NXPE2: variants seen among roughly 807,000 people sequenced by gnomAD.
The protein encoded by NXPE2 is neurexophilin and PC-esterase domain family member 2.
NXPE2 carries 34 observed loss-of-function variants against 34.4 expected under a neutral mutation model. The ratio of observed to expected loss-of-function variants is 0.99; its 90% CI spans 0.75 to 1.31. NXPE2 has a LOEUF of 1.31. Among genes scored for constraint, NXPE2 ranks in the 40% most tolerant of loss-of-function variants. The pLI is 0.00. For synonymous variants in NXPE2, 235 were observed against 231.3 expected (o/e 1.02, Z -0.15); for missense variants, 649 against 672.5 (o/e 0.97, Z 0.39).
the NXPE2 span, among the ~76,000 whole-genome samples, chr11:114,540,059 G>A: frequency 2.6e-5 from 4 of 152,224 alleles, no homozygotes; most frequent in African/African-American, 2.4e-5. Flanking sequence ...CCTCCAAAGC[G>A]ATTCTCCTGC....
the NXPE2 span, among the ~76,000 whole-genome samples, chr11:114,539,340 G>A: frequency 4.6e-5 from 7 of 151,938 alleles, no homozygotes; most frequent in African/African-American, 1.7e-4. Context: ...GCTAAATGAC[G>A]AGTTAATGGG....
chr11:114,808,911 T>C, the NXPE2 span, among the ~76,000 whole-genome samples: 2 of 152,110 alleles, frequency 1.3e-5, no homozygotes, highest in South Asian at 2.1e-4. Flanking sequence ...TTTAGACCAA[T>C]ATCCTTGATG....
At chr11:114,493,726 T>C in the NXPE2 span, among the ~76,000 whole-genome samples, 1 of 152,166 alleles carries the variant, frequency 6.6e-6, no homozygotes, top group Non-Finnish European at 1.5e-5. Context: ...GTCTTTCTAC[T>C]CATGATATAG....
At chr11:114,615,691 G>A in the NXPE2 span, among the ~76,000 whole-genome samples, 2 of 151,540 alleles carry the variant, frequency 1.3e-5, no homozygotes, top group Non-Finnish European at 2.9e-5. Context: ...TGCCTCTAGG[G>A]TAACCACTGT....
the NXPE2 span, among the ~76,000 whole-genome samples, chr11:114,609,126 G>A: frequency 2.0e-5 from 3 of 151,924 alleles, no homozygotes; most frequent in Non-Finnish European, 4.4e-5. Context: ...TTACCCGGTG[G>A]ATAATAAGTA....
the NXPE2 span, among the ~76,000 whole-genome samples, chr11:114,525,574 C>T: frequency 3.3e-5 from 5 of 152,106 alleles, no homozygotes; most frequent in Admixed American, 1.3e-4. Context: ...CCCTTCCCCC[C>T]TTACTATTCT....
chr11:114,710,618 C>T (rs765729165), downstream of NXPE2, among the ~76,000 whole-genome samples: 19 of 151,734 alleles, frequency 1.3e-4, no homozygotes, highest in African/African-American at 4.1e-4. Flanking sequence ...TCAGTAATAA[C>T]GACAACAATA....
At chr11:114,694,437 T>G (rs895174257) in intron 2 of NXPE2, among the ~76,000 whole-genome samples, 3 of 152,210 alleles carry the variant, frequency 2.0e-5, no homozygotes, top group African/African-American at 4.8e-5. Context: ...TTGGTATTCT[T>G]CCTGCTTGGT....
the NXPE2 span, among the ~76,000 whole-genome samples, chr11:114,779,517 G>A: frequency 6.6e-6 from 1 of 152,088 alleles, no homozygotes; most frequent in Non-Finnish European, 1.5e-5. Flanking sequence ...TCCCATCCCC[G>A]GGTGCCAGCT....
chr11:114,616,145 C>A, the NXPE2 span, among the ~76,000 whole-genome samples: 1 of 151,530 alleles, frequency 6.6e-6, no homozygotes, highest in Non-Finnish European at 1.5e-5. Flanking sequence ...ATAAGTATTG[C>A]CTCGTGGGTA....
chr11:114,809,756 C>G, the NXPE2 span, among the ~76,000 whole-genome samples: 1 of 112,332 alleles, frequency 8.9e-6, no homozygotes, highest in Non-Finnish European at 1.9e-5. Context: ...ATGAAAATGG[C>G]CATACTGCCC....
the NXPE2 span, chr11:114,582,245 C>A: frequency 3.9e-6 from 6 of 1,523,302 alleles, no homozygotes; most frequent in Non-Finnish European, 5.3e-6. Flanking sequence ...TAGGCCAAAT[C>A]ACAATATTTG....
chr11:114,550,704 T>C, the NXPE2 span, among the ~76,000 whole-genome samples: 1 of 152,054 alleles, frequency 6.6e-6, no homozygotes, highest in Non-Finnish European at 1.5e-5. Flanking sequence ...AAACATGTTA[T>C]AAGGGAAACA....
the NXPE2 span, among the ~76,000 whole-genome samples, chr11:114,556,896 CTT>C: frequency 2.8e-5 from 4 of 140,640 alleles, no homozygotes; most frequent in Admixed American, 7.1e-5. Flanking sequence ...CCCTTTTTGA[CTT>C]TTTTTTTTTT....
the NXPE2 span, among the ~76,000 whole-genome samples, chr11:114,536,824 T>C: frequency 2.6e-5 from 4 of 152,228 alleles, no homozygotes; most frequent in South Asian, 8.3e-4. Context: ...CAGGACCAGA[T>C]GGATTCACAG....
intron 2 of NXPE2, among the ~76,000 whole-genome samples, chr11:114,697,695 G>A (rs1951284935): frequency 6.6e-6 from 1 of 152,164 alleles, no homozygotes; most frequent in Non-Finnish European, 1.5e-5. Context: ...TGTTTGCATT[G>A]TTGATATAGA....
chr11:114,728,096 G>A, the NXPE2 span, among the ~76,000 whole-genome samples: 1 of 152,012 alleles, frequency 6.6e-6, no homozygotes, highest in Non-Finnish European at 1.5e-5. Flanking sequence ...AATCAGCAAT[G>A]TAACGTCCTC....
chr11:114,593,604 G>A, the NXPE2 span, among the ~76,000 whole-genome samples: 1 of 152,034 alleles, frequency 6.6e-6, no homozygotes, highest in South Asian at 2.1e-4. Context: ...CCACTATAGA[G>A]AACAGTTTGG....
the NXPE2 span, chr11:114,522,781 G>A: frequency 2.3e-6 from 2 of 866,044 alleles, no homozygotes; most frequent in Middle Eastern, 2.9e-4. Context: ...GCCAAATGAA[G>A]TAAAAAACAA....
Sources: allele counts gnomAD v4.1 joint callset (sites outside exome capture counted in the v4.1 genomes callset), GRCh38; gene constraint gnomAD v4.1.1; transcripts MANE v1.5; gene names NCBI Gene and HGNC (gene_info 2026-07-23, HGNC 2026-07-21).